Variants in CDH13 observed in about 807,000 individuals in gnomAD.
CDH13 encodes cadherin-13.
Under a neutral mutation model 63.8 loss-of-function variants are expected in CDH13, and 24 were observed. The ratio of observed to expected loss-of-function variants is 0.38; its 90% CI spans 0.27 to 0.53. CDH13 has a LOEUF of 0.53. Ranked by LOEUF, CDH13 falls within the 20% of genes least tolerant of loss-of-function variation. CDH13 has a pLI of 0.85. For missense variants in CDH13, 1,049 were observed against 903.1 expected, an observed-to-expected ratio of 1.16 and a Z score of -2.07; for synonymous variants, 503 against 355.3, an observed-to-expected ratio of 1.42 and a Z score of -4.67.
At chr16:83,450,999 A>G (rs1358347258) in intron 6 of CDH13, among the ~76,000 whole-genome samples, 2 of 152,160 alleles carry the variant, frequency 1.3e-5, no homozygotes, top group Non-Finnish European at 1.5e-5. Context: ...CAGAGTTACC[A>G]ATTCCATAGG....
intron 6 of CDH13, among the ~76,000 whole-genome samples, chr16:83,367,524 G>T (rs1216884156): frequency 6.6e-6 from 1 of 152,168 alleles, no homozygotes; most frequent in African/African-American, 2.4e-5. Context: ...GAATGGAATT[G>T]CTGAGTTATA....
intron 1 of CDH13, among the ~76,000 whole-genome samples, chr16:82,749,231 A>C (rs2034310421): frequency 6.6e-6 from 1 of 152,188 alleles, no homozygotes; most frequent in Non-Finnish European, 1.5e-5. Context: ...GGTGTTATTC[A>C]AATCCCTGGA....
intron 5 of CDH13, among the ~76,000 whole-genome samples, chr16:83,275,975 T>C (rs559775647): frequency 3.6e-4 from 55 of 152,272 alleles, no homozygotes; most frequent in South Asian, 8.3e-4. Flanking sequence ...GACTACAGAT[T>C]AATGATGGTC....
chr16:83,087,612 G>T (rs929675011), intron 3 of CDH13, among the ~76,000 whole-genome samples: 1 of 130,472 alleles, frequency 7.7e-6, no homozygotes, highest in Non-Finnish European at 1.5e-5. Context: ...AGGTCACAGC[G>T]AGCCAAAACC....
intron 4 of CDH13, among the ~76,000 whole-genome samples, chr16:83,145,244 A>G (rs1026184993): frequency 6.6e-6 from 1 of 152,180 alleles, no homozygotes; most frequent in Non-Finnish European, 1.5e-5. Context: ...AACTCGGAGC[A>G]GGGGTGACAC....
intron 11 of CDH13, among the ~76,000 whole-genome samples, chr16:83,771,442 G>A (rs904073430): frequency 1.3e-5 from 2 of 152,182 alleles, no homozygotes; most frequent in Non-Finnish European, 2.9e-5. Flanking sequence ...CTTACAAGTT[G>A]TCAGTGCTGA....
In CDH13 at chr16:82,884,490, A is replaced by G. The variant is rs916423763; in HGVS notation, c.157+26017A>G. The G allele has an allele frequency of 3.1e-5, 8 of 259,466 alleles. No individual in the cohort carries two copies. In the Admixed American group the frequency reaches 3.2e-4, roughly 10 times the overall value. 16.1% of individuals were successfully genotyped at this position (259,466 alleles called of 1,614,324 possible). On this transcript the variant is annotated intron_variant, in intron 2 of 13. Transcript: ENST00000567109. Reference sequence around the variant, plus strand: ...ATTTTCAAGTCCTTGGAGGCACACCATGTCACCCAAGGTAAGCCAGGGGAC... The same window carrying G: ...ATTTTCAAGTCCTTGGAGGCACACCGTGTCACCCAAGGTAAGCCAGGGGAC...
chr16:83,455,890 C>T (rs2073012481), intron 6 of CDH13, among the ~76,000 whole-genome samples: 2 of 152,224 alleles, frequency 1.3e-5, no homozygotes, highest in African/African-American at 2.4e-5. Flanking sequence ...TCTCTCGCAG[C>T]TCTGGAAAAA....
In CDH13 at chr16:83,032,155, C is replaced by G; in HGVS notation, c.303C>G (p.Pro101=). 1 of 1,613,750 alleles carries G rather than the reference C, an allele frequency of 6.2e-7. No individual in the cohort carries two copies. Among genetic ancestry groups the G allele is most frequent in the South Asian group, 1.1e-5 (1 of 91,060 alleles). The change falls in exon 3 of 14, where the codon CCC becomes CCG. Residue 101 remains proline (P), a synonymous_variant. Transcript: ENST00000567109. ...GKTLFVHART[P]HAEDMAELVI... is the part of the protein sequence containing the mutation. ...CTCTGTTCGTCCATGCACGGACCCC[C>G]CATGCGGAAGATATGGCAGAACTCG...
At chr16:82,819,033 C>G (rs13336829) in intron 1 of CDH13, among the ~76,000 whole-genome samples, 2,247 of 152,256 alleles carry the variant, frequency 0.015, 53 homozygotes, top group African/African-American at 0.052. Flanking sequence ...GCAAAATCAT[C>G]TGGCATGTGT....
At chr16:82,826,698 A>T (rs1159728337) in intron 1 of CDH13, 2 of 152,230 alleles carry the variant, frequency 1.3e-5, no homozygotes, top group Non-Finnish European at 2.9e-5. Context: ...TAAATTACTG[A>T]ATGTGGTAAT....
chr16:83,120,068 G>A (rs2035494963), intron 3 of CDH13, among the ~76,000 whole-genome samples: 2 of 151,862 alleles, frequency 1.3e-5, no homozygotes, highest in Admixed American at 6.6e-5. Flanking sequence ...CCACCGTGAC[G>A]GGCCCAGAGA....
chr16:83,413,523 T>A (rs2092157113), intron 6 of CDH13, among the ~76,000 whole-genome samples: 1 of 152,216 alleles, frequency 6.6e-6, no homozygotes, highest in South Asian at 2.1e-4. Context: ...TGCGGTAATG[T>A]TCCCCAACTA....
At chr16:83,576,201 C>T (rs1230897920) in intron 7 of CDH13, among the ~76,000 whole-genome samples, 2 of 152,212 alleles carry the variant, frequency 1.3e-5, no homozygotes, top group Non-Finnish European at 2.9e-5. Flanking sequence ...AAACAACCTC[C>T]TTTCTGTCTC....
rs891821487 is a variant in CDH13, at chr16:83,285,555, T to A, written c.637-59307T>A. On this transcript the variant is annotated intron_variant, in intron 5 of 13. Transcript: ENST00000567109. ...AACACCATAACCATAAAAAAAGCAA[T>A]GTAATAACTATTTACATAGCATTTA... Among the ~76,000 whole-genome samples the A allele has an allele frequency of 2.0e-5, 3 of 152,100 alleles. No individual in the cohort carries two copies. In the South Asian group the frequency reaches 6.2e-4, roughly 32 times the overall value.
intron 10 of CDH13, among the ~76,000 whole-genome samples, chr16:83,739,286 C>T (rs1445161177): frequency 2.6e-5 from 4 of 152,154 alleles, no homozygotes; most frequent in Non-Finnish European, 4.4e-5. Flanking sequence ...GTTGAGTCTT[C>T]GGTGAGCTTC....
intron 1 of CDH13, among the ~76,000 whole-genome samples, chr16:82,750,131 G>T (rs1201505315): frequency 6.6e-6 from 1 of 152,134 alleles, no homozygotes; most frequent in East Asian, 1.9e-4. Flanking sequence ...GTTGAGCGGG[G>T]TGCTTTTGGA....
intron 10 of CDH13, among the ~76,000 whole-genome samples, chr16:83,697,767 C>A (rs74976243): frequency 1.3e-5 from 2 of 152,216 alleles, no homozygotes; most frequent in Non-Finnish European, 2.9e-5. Flanking sequence ...CCTGCCTCAG[C>A]CTCCTGAGTA....
In CDH13 at chr16:83,796,104, T is replaced by A. The variant is rs566822941; in HGVS notation, c.*1074T>A. 6.5e-6 allele frequency: 1 copy of A among 152,804 alleles called. No homozygotes were observed. The highest frequency in any genetic ancestry group is 1.9e-4 in the East Asian group (1 of 5,190). The allele number at this position is 152,804 out of a possible 1,614,324, so 9.5% of individuals were successfully genotyped here. ...CCCTTTTGTGTGAATTGACTACCGT[T>A]GTTTGCAAACCCGAAAATAAAAGAC... On this transcript the variant is annotated 3_prime_UTR_variant, in exon 14 of 14. Coordinates refer to ENST00000567109, the MANE Select transcript of CDH13 (RefSeq NM_001257.5).
Sources: allele counts gnomAD v4.1 joint callset (sites outside exome capture counted in the v4.1 genomes callset), GRCh38; gene constraint gnomAD v4.1.1; transcripts MANE v1.5; gene names NCBI Gene and HGNC (gene_info 2026-07-23, HGNC 2026-07-21).